KCNH4: variants seen among roughly 807,000 people sequenced by gnomAD.
KCNH4 encodes potassium voltage-gated channel subfamily H member 4.
KCNH4 carries 33 observed loss-of-function variants against 90.7 expected under a neutral mutation model. The observed-to-expected ratio is 0.36, with a 90% CI of 0.28 to 0.49. The LOEUF (loss-of-function observed/expected upper bound fraction) is 0.49. KCNH4 is among the 20% of genes least tolerant of loss of function. The probability of loss-of-function intolerance (pLI) is 0.98; values close to 1 mark genes in which losing one functional copy is unlikely to be tolerated. For missense variants in KCNH4, 1,044 were observed against 1,387.1 expected (o/e 0.75, Z 3.93); for synonymous variants, 551 against 581.7 (o/e 0.95, Z 0.76).
chr17:42,165,791 G>T, intron 10 of KCNH4, 98 bp from the exon 11 acceptor site: 1 of 1,447,250 alleles, frequency 6.9e-7, no homozygotes, highest in East Asian at 2.3e-5. Context: ...CAGTGTGTTT[G>T]AAGGATGGTT....
At chr17:42,168,818 C>T (rs983218442) in intron 9 of KCNH4, among the ~76,000 whole-genome samples, 3 of 151,800 alleles carry the variant, frequency 2.0e-5, no homozygotes, top group African/African-American at 7.3e-5. Flanking sequence ...GCCGCCCAGG[C>T]TGGAGTGCAG....
In KCNH4 at chr17:42,163,346, G is replaced by A. The variant is rs2079761890; in HGVS notation, c.2478-12C>T. On this transcript the variant is annotated splice_polypyrimidine_tract_variant and intron_variant, in intron 13 of 16. Coordinates refer to ENST00000264661, the MANE Select transcript of KCNH4 (RefSeq NM_012285.3). The surrounding 1 kb of genome is among the most constrained non-coding windows in gnomAD (Gnocchi z 5.4). Reference sequence around the variant, plus strand: ...TGCCATCCACTATCCTGGGAACAGGGCAGTGCTCATCAGCACCATGGGGTG... The same window carrying A: ...TGCCATCCACTATCCTGGGAACAGGACAGTGCTCATCAGCACCATGGGGTG... 6.3e-7 allele frequency: 1 copy of A among 1,589,402 alleles called. No individual in the cohort carries two copies. The highest frequency in any genetic ancestry group is 8.6e-7 in the Non-Finnish European group (1 of 1,157,850).
Position 42,156,943 on chromosome 17 carries a change from TG to T in KCNH4, c.*484del. 6.6e-6 allele frequency: 1 copy of T among 151,884 alleles called. No homozygotes were observed. 9.4% of individuals were successfully genotyped at this position (151,884 alleles called of 1,614,324 possible). ...CCAAAAGTGAGCCCAGGGTGTTGGGTGGTAGAGGAGAGCTGGAGACCTGGGC... is the reference window on the plus strand; with the variant it reads ...CCAAAAGTGAGCCCAGGGTGTTGGGTGTAGAGGAGAGCTGGAGACCTGGGC... On this transcript the variant is annotated 3_prime_UTR_variant, in exon 17 of 17. Transcript: ENST00000264661.
chr17:42,164,234 T>C, intron 11 of KCNH4, 66 bp from the exon 12 acceptor site: 2 of 1,393,854 alleles, frequency 1.4e-6, no homozygotes, highest in Non-Finnish European at 1.9e-6. Context: ...AGACCCTCCC[T>C]GTCCCACCCA....
intron 16 of KCNH4, among the ~76,000 whole-genome samples, chr17:42,158,803 C>G (rs902052926): frequency 2.0e-4 from 30 of 151,248 alleles, no homozygotes; most frequent in African/African-American, 7.3e-4. Context: ...CCACTGCATT[C>G]CAGCCTGGGT....
chr17:42,174,462 G>C (rs1230844765), intron 6 of KCNH4, among the ~76,000 whole-genome samples: 1 of 152,178 alleles, frequency 6.6e-6, no homozygotes, highest in Non-Finnish European at 1.5e-5. Context: ...GGAGGGGTAG[G>C]GAGATCTGCT....
Position 42,160,361 on chromosome 17 carries a change from C to T in KCNH4, c.2733G>A (p.Arg911=), listed in dbSNP as rs1422709685. 3 of 1,613,900 alleles carry T rather than the reference C, an allele frequency of 1.9e-6. No individual in the cohort carries two copies. Among genetic ancestry groups the T allele is most frequent in the East Asian group, 2.2e-5 (1 of 44,868 alleles). Residue 911 remains arginine, a synonymous_variant, in exon 16 of 17, where the codon AGG becomes AGA. Coordinates refer to ENST00000264661, the MANE Select transcript of KCNH4 (RefSeq NM_012285.3). The part of the protein sequence containing the change: ...LRHIMGLLQA[R]LGPPGHPAGS... ...CTGCTGGGTGGCCTGGGGGACCCAG[C>T]CTGGCCTGCAGCAGGCCCATGATGT...
Position 42,170,124 on chromosome 17 carries a change from C to A in KCNH4, c.1373G>T (p.Cys458Phe). The A allele has an allele frequency of 6.2e-7, 1 of 1,610,292 alleles. No homozygotes were observed. Among genetic ancestry groups the A allele is most frequent in the Non-Finnish European group, 8.5e-7 (1 of 1,178,156 alleles). ...GGCCTCACCGCCTATGAGCATCGTGCAGATGGAGAAGATCTTCTCCGCGTC... is the reference window on the plus strand; with the variant it reads ...GGCCTCACCGCCTATGAGCATCGTGAAGATGGAGAAGATCTTCTCCGCGTC... ...NTDAEKIFSI[C>F]TMLIGALMHA... The change falls in exon 8 of 17, where the codon TGC becomes TTC. Residue 458 changes from cysteine to phenylalanine, a missense_variant. Around this residue, in one of 4 missense-constraint regions of KCNH4, gnomAD observed 318 missense variants for 479.6 expected, o/e 0.66. Transcript: ENST00000264661.
chr17:42,171,739 T>C (rs1598274394), intron 7 of KCNH4, 49 bp downstream of exon 7: 1 of 1,566,050 alleles, frequency 6.4e-7, no homozygotes, highest in East Asian at 2.2e-5. Context: ...AGCTTGGGGA[T>C]GGGACAGGTG....
chr17:42,176,094 G>A lies in KCNH4; in HGVS notation c.789C>T (p.Thr263=), dbSNP rs774705329. ...DDDTPITSRH[T]LVSDIAVEML... Reference sequence around the variant, plus strand: ...TTTCCACGGCGATGTCGCTGACAAGGGTGTGTCGCGAAGTGATGGGGGTGT... The same window carrying A: ...TTTCCACGGCGATGTCGCTGACAAGAGTGTGTCGCGAAGTGATGGGGGTGT... The change falls in exon 5 of 17, where the codon ACC becomes ACT. Residue 263 remains threonine (T), a synonymous_variant. Coordinates refer to ENST00000264661, the MANE Select transcript of KCNH4 (RefSeq NM_012285.3). 13 of 1,612,478 alleles carry A rather than the reference G, an allele frequency of 8.1e-6. No homozygotes were observed. In the Admixed American group the frequency reaches 1.7e-4, roughly 21 times the overall value.
chr17:42,175,407 C>T (rs141241210), intron 6 of KCNH4, among the ~76,000 whole-genome samples, 172 bp downstream of exon 6: 14 of 152,378 alleles, frequency 9.2e-5, no homozygotes, highest in East Asian at 7.7e-4. Flanking sequence ...CACAGACCCT[C>T]GGGATCCTCC....
Position 42,163,743 on chromosome 17 carries a change from T to C in KCNH4, c.2340A>G (p.Pro780=). Residue 780 remains proline (P), a synonymous_variant, in exon 13 of 17, where the codon CCA becomes CCG. Coordinates refer to ENST00000264661, the MANE Select transcript of KCNH4 (RefSeq NM_012285.3). This position sits in a 1 kb window ranked among gnomAD's most constrained non-coding sequence, Gnocchi z 5.4. ...GGCCAGCCAGGGCAGGGGACAGGGA[T>C]GGGGATAAGGAAGGAGAGGAGACAA... The part of the protein sequence containing the change: ...SALVSSPSLS[P]SLSPALAGQG... 6.4e-7 allele frequency: 1 copy of C among 1,551,236 alleles called. No individual in the cohort carries two copies. The highest frequency in any genetic ancestry group is 2.3e-5 in the East Asian group (1 of 43,556).
Position 42,160,172 on chromosome 17 carries a change from C to G in KCNH4, c.2922G>C (p.Leu974Phe), listed in dbSNP as rs756908796. Reference sequence around the variant, plus strand: ...GGTAGGGGGGCAATATGGAAGGTCTCAAGTCCAGGAGCGCAGTCCCTGTCT... The same window carrying G: ...GGTAGGGGGGCAATATGGAAGGTCTGAAGTCCAGGAGCGCAGTCCCTGTCT... The part of the protein sequence containing the change: ...TMETGTALLD[L>F]RPSILPPYPS... Residue 974 changes from leucine to phenylalanine, a missense_variant, in exon 16 of 17, where the codon TTG becomes TTC. Physicochemically the swap from Leu to Phe is conservative, Grantham distance 22. Coordinates refer to ENST00000264661, the MANE Select transcript of KCNH4 (RefSeq NM_012285.3). 2.5e-6 allele frequency: 4 copies of G among 1,613,342 alleles called. No individual in the cohort carries two copies. The African/African-American group carries it at 5.3e-5, about 22-fold the overall frequency.
At chr17:42,174,726 G>T (rs1439029450) in intron 6 of KCNH4, among the ~76,000 whole-genome samples, 1 of 152,134 alleles carries the variant, frequency 6.6e-6, no homozygotes, top group Admixed American at 6.5e-5. Context: ...GACTTGAGAA[G>T]ACCTACTATC....
intron 6 of KCNH4, among the ~76,000 whole-genome samples, chr17:42,172,205 CTT>C (rs889295948): frequency 4.3e-4 from 61 of 142,140 alleles, no homozygotes; most frequent in Admixed American, 4.9e-4. Context: ...TTTGTAATTA[CTT>C]TTTTTTTTTT....
At chr17:42,162,108 C>A in intron 15 of KCNH4, 140 bp downstream of exon 15, 1 of 655,340 alleles carries the variant, frequency 1.5e-6, no homozygotes, top group Non-Finnish European at 2.6e-6. Flanking sequence ...AGGTGCCTGG[C>A]TAATTTTTGT....
rs550965935 is a variant in KCNH4 at position 42,180,185 on chromosome 17, C to G, written c.76+685G>C. Among the ~76,000 whole-genome samples, 455 of 152,230 alleles carry G rather than the reference C, an allele frequency of 3.0e-3. 5 individuals carry two copies. Among genetic ancestry groups the G allele is most frequent in the African/African-American group, 0.011 (440 of 41,548 alleles). On this transcript the variant is annotated intron_variant, in intron 1 of 16. Coordinates refer to ENST00000264661, the MANE Select transcript of KCNH4 (RefSeq NM_012285.3). The surrounding 1 kb of genome is among the most constrained non-coding windows in gnomAD (Gnocchi z 4.7). The stretch of plus-strand genomic sequence containing the variant: ...CCATCCAGATCCCGGCCAGGGTTCC[C>G]GAGGGAATGGCGGGGTTGGGGGAGG...
In KCNH4 at chr17:42,165,452, G is replaced by A. The variant is rs976234402; in HGVS notation, c.2082C>T (p.Thr694=). The change falls in exon 11 of 17, where the codon ACC becomes ACT. Residue 694 remains threonine (T), a synonymous_variant. Transcript: ENST00000264661. Reference sequence around the variant, plus strand: ...CGGTCATCAGGGGTGTACATACACTGGTGTCAGAGCCCTGGCGCAGGTTGA... The same window carrying A: ...CGGTCATCAGGGGTGTACATACACTAGTGTCAGAGCCCTGGCGCAGGTTGA... The part of the protein sequence containing the change: ...LTFNLRQGSD[T]SGLSRFSRSP... 3.7e-6 allele frequency: 6 copies of A among 1,614,142 alleles called. No individual in the cohort carries two copies. Among genetic ancestry groups the A allele is most frequent in the Non-Finnish European group, 5.1e-6 (6 of 1,180,020 alleles).
At position 42,159,749 on chromosome 17, in the gene KCNH4, G is replaced by T. The variant is rs1434269498; in HGVS notation, c.*291C>A. 1 of 281,052 alleles carries T rather than the reference G, an allele frequency of 3.6e-6. No homozygotes were observed. The highest frequency in any genetic ancestry group is 2.2e-5 in the African/African-American group (1 of 45,938). The allele number at this position is 281,052 out of a possible 1,614,324, so 17.4% of individuals were successfully genotyped here. A position where few individuals can be genotyped will look rare whatever the true frequency, so the allele number is the denominator to read the frequency against. The stretch of plus-strand genomic sequence containing the variant: ...TCTCTACCTGCCTCCAGGTCCTGGG[G>T]AGAAAGTAGGATCTCATCTGCCCAG... On this transcript the variant is annotated 3_prime_UTR_variant, in exon 16 of 17. Transcript: ENST00000264661.
Sources: allele counts gnomAD v4.1 joint callset (sites outside exome capture counted in the v4.1 genomes callset), GRCh38; gene constraint gnomAD v4.1.1; regional missense constraint gnomAD v4.1.1; non-coding constraint Gnocchi (gnomAD v3.1); transcripts MANE v1.5; gene names NCBI Gene and HGNC (gene_info 2026-07-23, HGNC 2026-07-21).